Variants in PGM5 observed in about 807,000 individuals in gnomAD.
The protein encoded by PGM5 is phosphoglucomutase 5.
PGM5 carries 23 observed loss-of-function variants against 59.2 expected under a neutral mutation model. That is an observed-to-expected ratio of 0.39 (90% CI 0.28 to 0.55). The LOEUF (loss-of-function observed/expected upper bound fraction) is 0.55, where lower values mean the gene tolerates loss of function less well. PGM5 is among the 20% of genes least tolerant of loss of function. The pLI is 0.66. For synonymous variants in PGM5, 214 were observed against 286.0 expected (o/e 0.75, Z 2.54); for missense variants, 574 against 748.3 (o/e 0.77, Z 2.72).
rs546638534 is a variant in PGM5, at chr9:68,495,504, G to T, written c.1480-3723G>T. On this transcript the variant is annotated intron_variant, in intron 9 of 10. Transcript: ENST00000396396. ...CTTTCCTAATACTTGGCTCTTGAAGGAATGTCTCAGGCAGAGCTTCATACA... is the reference window on the plus strand; with the variant it reads ...CTTTCCTAATACTTGGCTCTTGAAGTAATGTCTCAGGCAGAGCTTCATACA... Among the ~76,000 whole-genome samples the T allele has an allele frequency of 3.3e-5, 5 of 152,308 alleles. No homozygotes were observed. In the South Asian group the frequency reaches 1.0e-3, roughly 32 times the overall value.
At chr9:68,393,558 T>C (rs265098) in intron 6 of PGM5, among the ~76,000 whole-genome samples, 151,002 of 152,088 alleles carry the variant, frequency 0.99, 74,976 homozygotes, top group East Asian at 1. Context: ...CCAGCCTGGA[T>C]AATAGAGCAA....
rs185471560 is a variant in PGM5, at chr9:68,441,056, A to T, written c.1044-24037A>T. The stretch of plus-strand genomic sequence containing the variant: ...TTCATGAATAAATTCAACAACTTAG[A>T]TGAAATGGGCCAATTCCTTGAAAAA... On this transcript the variant is annotated intron_variant, in intron 6 of 10. Coordinates refer to ENST00000396396, the MANE Select transcript of PGM5 (RefSeq NM_021965.4). 1.2e-4 allele frequency among the ~76,000 whole-genome samples: 19 copies of T among 152,198 alleles called. No individual in the cohort carries two copies. In the East Asian group the frequency reaches 2.5e-3, roughly 20 times the overall value.
intron 8 of PGM5, among the ~76,000 whole-genome samples, 198 bp downstream of exon 8, chr9:68,479,751 G>A (rs1425574288): frequency 6.6e-6 from 1 of 152,212 alleles, no homozygotes; most frequent in Admixed American, 6.5e-5. Context: ...CGGCTAAAAC[G>A]GTGAAACCCC....
At chr9:68,422,592 C>T (rs782315711) in intron 6 of PGM5, among the ~76,000 whole-genome samples, 25 of 151,902 alleles carry the variant, frequency 1.6e-4, no homozygotes, top group Non-Finnish European at 2.2e-4. Flanking sequence ...TAGCCGGGCC[C>T]GGTGTACTTT....
chr9:68,432,277 G>A (rs2132056810), intron 6 of PGM5, among the ~76,000 whole-genome samples: 1 of 151,344 alleles, frequency 6.6e-6, no homozygotes, highest in South Asian at 2.1e-4. Flanking sequence ...TCAGGTCACT[G>A]CAACCTCTGC....
chr9:68,484,578 A>AC (rs1491179842), intron 9 of PGM5, among the ~76,000 whole-genome samples: 20 of 143,590 alleles, frequency 1.4e-4, no homozygotes, highest in African/African-American at 5.0e-4. Context: ...ACACACACAC[A>AC]AAACAAAACA....
At chr9:68,388,575 A>G (rs1270100767) in intron 4 of PGM5, among the ~76,000 whole-genome samples, 2 of 152,076 alleles carry the variant, frequency 1.3e-5, no homozygotes, top group African/African-American at 4.8e-5. Flanking sequence ...TTTTGGAGGA[A>G]CACATTCTCC....
intron 6 of PGM5, among the ~76,000 whole-genome samples, chr9:68,399,538 C>T (rs1281289373): frequency 1.3e-5 from 2 of 151,416 alleles, no homozygotes; most frequent in African/African-American, 4.9e-5. Context: ...TTTAATTTTT[C>T]ATGTCTCACA....
At chr9:68,406,525 T>G (rs1304342648) in intron 6 of PGM5, 1 of 149,752 alleles carries the variant, frequency 6.7e-6, no homozygotes, top group Non-Finnish European at 1.5e-5. Context: ...GAGGTCAGAG[T>G]CCTCATGACC....
chr9:68,391,681 AAGG>A lies in PGM5; in HGVS notation c.851_853del (p.Gly284del). Reference sequence around the variant, plus strand: ...GCAACGACTCTTCTGGAAGCAATGAAAGGAGGAGAATATGGATTTGGAGCTGCA... The same window carrying A: ...GCAACGACTCTTCTGGAAGCAATGAAAGGAGAATATGGATTTGGAGCTGCA... On this transcript the variant is annotated inframe_deletion, in exon 5 of 11. Transcript: ENST00000396396. The A allele has an allele frequency of 6.2e-7, 1 of 1,613,144 alleles. No homozygotes were observed. Among genetic ancestry groups the A allele is most frequent in the South Asian group, 1.1e-5 (1 of 91,060 alleles).
intron 7 of PGM5, among the ~76,000 whole-genome samples, chr9:68,468,447 T>C (rs1299792292): frequency 6.6e-6 from 1 of 152,232 alleles, no homozygotes; most frequent in Non-Finnish European, 1.5e-5. Context: ...GTTTACAATA[T>C]ATTATAGACT....
intron 5 of PGM5, 78 bp downstream of exon 5, chr9:68,391,802 A>T: frequency 7.0e-7 from 1 of 1,420,234 alleles, no homozygotes; most frequent in Non-Finnish European, 9.7e-7. Context: ...GAATTAATGA[A>T]CACATCTGGA....
chr9:68,371,381 G>A lies in PGM5; in HGVS notation c.262-6818G>A, dbSNP rs537690939. 3.0e-3 allele frequency among the ~76,000 whole-genome samples: 458 copies of A among 152,298 alleles called. 4 individuals carry two copies. Among genetic ancestry groups the A allele is most frequent in the African/African-American group, 0.01 (435 of 41,558 alleles). Reference sequence around the variant, plus strand: ...ACCATCTTTTCCTTGCAAGGTAGCGGTCTGCTGCATTGACAGAGGGTAGTA... The same window carrying A: ...ACCATCTTTTCCTTGCAAGGTAGCGATCTGCTGCATTGACAGAGGGTAGTA... On this transcript the variant is annotated intron_variant, in intron 1 of 10. Transcript: ENST00000396396.
intron 10 of PGM5, among the ~76,000 whole-genome samples, chr9:68,511,897 A>C (rs1467696863): frequency 6.6e-6 from 1 of 152,162 alleles, no homozygotes; most frequent in Non-Finnish European, 1.5e-5. Flanking sequence ...AACTGGATCT[A>C]TGAGAAATGT....
chr9:68,427,891 T>G (rs1823264630), intron 6 of PGM5, among the ~76,000 whole-genome samples: 1 of 152,188 alleles, frequency 6.6e-6, no homozygotes, highest in South Asian at 2.1e-4. Context: ...TTCTTGTTAT[T>G]GTTCTCTGTG....
At chr9:68,413,693 G>A (rs1554681788) in intron 6 of PGM5, among the ~76,000 whole-genome samples, 3 of 152,182 alleles carry the variant, frequency 2.0e-5, no homozygotes, top group African/African-American at 7.2e-5. Flanking sequence ...CTAATAAAAT[G>A]TGAAGTGTGG....
intron 1 of PGM5, among the ~76,000 whole-genome samples, chr9:68,375,022 T>C (rs1485989752): frequency 6.6e-6 from 1 of 152,126 alleles, no homozygotes; most frequent in Admixed American, 6.5e-5. Context: ...TGGTGGGGGC[T>C]GGAGGATCCA....
intron 6 of PGM5, chr9:68,398,669 C>A (rs1202249880): frequency 6.6e-6 from 1 of 152,216 alleles, no homozygotes; most frequent in African/African-American, 2.4e-5. Context: ...AGCCAGAGGG[C>A]AGCCTATGGA....
At chr9:68,403,726 G>A (rs1276837053) in intron 6 of PGM5, among the ~76,000 whole-genome samples, 4 of 152,096 alleles carry the variant, frequency 2.6e-5, no homozygotes, top group Admixed American at 6.6e-5. Flanking sequence ...GTGAGGGCAG[G>A]AAAAGTTCTG....
Sources: gnomAD v4.1 joint callset for allele counts (sites outside exome capture counted in the v4.1 genomes callset) on GRCh38, gnomAD v4.1.1 for gene constraint, MANE v1.5 for transcripts, NCBI Gene and HGNC (gene_info 2026-07-23, HGNC 2026-07-21) for gene names.